XYLB: variants seen among roughly 807,000 people sequenced by gnomAD.
XYLB encodes xylulose kinase.
In XYLB, 62 loss-of-function variants were observed where a neutral mutation model predicts 78.7. The ratio of observed to expected loss-of-function variants is 0.79; its 90% CI spans 0.64 to 0.97. XYLB has a LOEUF of 0.97. Among genes scored for constraint, XYLB ranks in the 50% least tolerant of loss-of-function variants. The pLI, the probability that XYLB is intolerant of heterozygous loss-of-function variation, is 0.00. For missense variants in XYLB, 687 were observed against 676.8 expected (o/e 1.02, Z -0.17); for synonymous variants, 245 against 247.4 (o/e 0.99, Z 0.09).
At chr3:38,371,811 A>G (rs775525105) in intron 9 of XYLB, among the ~76,000 whole-genome samples, 12 of 152,354 alleles carry the variant, frequency 7.9e-5, no homozygotes, top group Non-Finnish European at 1.3e-4. Context: ...AGCTGAAGGA[A>G]CAGCCATGTG....
intron 17 of XYLB, among the ~76,000 whole-genome samples, chr3:38,399,972 C>T (rs1708054675): frequency 6.6e-6 from 1 of 152,190 alleles, no homozygotes; most frequent in Admixed American, 6.5e-5. Context: ...ACCACCATTC[C>T]AGTCCCTCAT....
the XYLB span, among the ~76,000 whole-genome samples, chr3:38,436,014 C>A: frequency 2.6e-5 from 4 of 152,106 alleles, no homozygotes; most frequent in South Asian, 8.3e-4. Flanking sequence ...AACAATGTAC[C>A]TCAAAGGACT....
chr3:38,398,474 C>CA (rs1378878962), intron 17 of XYLB, among the ~76,000 whole-genome samples: 10 of 149,820 alleles, frequency 6.7e-5, no homozygotes, highest in Non-Finnish European at 1.3e-4. Flanking sequence ...TCTCAAAAAA[C>CA]AAAAAAAAAT....
intron 18 of XYLB, among the ~76,000 whole-genome samples, chr3:38,410,674 A>C (rs932554652): frequency 5.9e-5 from 9 of 152,174 alleles, no homozygotes; most frequent in African/African-American, 2.2e-4. Flanking sequence ...CAATGAACTC[A>C]AACAAATTTA....
At chr3:38,358,717 A>G (rs1705813021) in intron 2 of XYLB, among the ~76,000 whole-genome samples, 1 of 152,202 alleles carries the variant, frequency 6.6e-6, no homozygotes, top group Non-Finnish European at 1.5e-5. Flanking sequence ...TGTGAAGGCA[A>G]CATTTTTTGG....
chr3:38,427,159 A>G, the XYLB span, among the ~76,000 whole-genome samples: 7 of 152,214 alleles, frequency 4.6e-5, no homozygotes, highest in African/African-American at 2.4e-5. Context: ...GAAGGCTGTC[A>G]GCCCCCTAAT....
chr3:38,359,220 G>C (rs541216480), intron 2 of XYLB, among the ~76,000 whole-genome samples: 1 of 152,372 alleles, frequency 6.6e-6, no homozygotes, highest in Admixed American at 6.5e-5. Context: ...GGCTGTGGCT[G>C]ATTATCTGCA....
chr3:38,444,309 G>A, the XYLB span, among the ~76,000 whole-genome samples: 27 of 152,298 alleles, frequency 1.8e-4, no homozygotes, highest in African/African-American at 6.3e-4. Flanking sequence ...ATAACTGATA[G>A]CCTGGGGGTT....
intron 8 of XYLB, among the ~76,000 whole-genome samples, chr3:38,368,970 G>C (rs1368112802): frequency 6.6e-6 from 1 of 152,154 alleles, no homozygotes; most frequent in African/African-American, 2.4e-5. Flanking sequence ...ATAAATTGCA[G>C]TTGATGCCAG....
chr3:38,397,943 C>T (rs1446232320), intron 17 of XYLB, among the ~76,000 whole-genome samples: 3 of 150,996 alleles, frequency 2.0e-5, no homozygotes, highest in Non-Finnish European at 4.4e-5. Context: ...CTCAGCCTCC[C>T]GAGTAGGTGG....
intron 15 of XYLB, among the ~76,000 whole-genome samples, chr3:38,391,637 G>A (rs1449230510): frequency 8.1e-6 from 1 of 123,040 alleles, no homozygotes; most frequent in Non-Finnish European, 1.9e-5. Flanking sequence ...AAATTCACAT[G>A]TTAAAAACTT....
intron 15 of XYLB, among the ~76,000 whole-genome samples, chr3:38,391,830 C>T (rs547323519): frequency 3.3e-5 from 5 of 152,262 alleles, no homozygotes; most frequent in East Asian, 1.9e-4. Context: ...ATATACGGGA[C>T]GATCCCTCAC....
In XYLB at chr3:38,383,819, A is replaced by T. The variant is rs895874619; in HGVS notation, c.1291+4477A>T. Among the ~76,000 whole-genome samples the T allele has an allele frequency of 4.6e-5, 7 of 152,068 alleles. No homozygotes were observed. In the East Asian group the frequency reaches 1.4e-3, roughly 29 times the overall value. On this transcript the variant is annotated intron_variant, in intron 15 of 18. Coordinates refer to ENST00000207870, the MANE Select transcript of XYLB (RefSeq NM_005108.4). ...AAAAAATAAAGGAAAATGACTCATA[A>T]TCCCATCCCCTCTCTCCAACCACTG...
At chr3:38,356,405 C>G (rs1705657681) in intron 2 of XYLB, 1 of 152,214 alleles carries the variant, frequency 6.6e-6, no homozygotes, top group Admixed American at 6.6e-5. Context: ...AACATTTTCA[C>G]CACCTGGAAA....
the XYLB span, among the ~76,000 whole-genome samples, chr3:38,432,726 C>T: frequency 6.6e-6 from 1 of 152,238 alleles, no homozygotes; most frequent in African/African-American, 2.4e-5. Flanking sequence ...AAATAATCTC[C>T]TTTGACTCTA....
At chr3:38,383,701 G>A (rs1181290942) in intron 15 of XYLB, among the ~76,000 whole-genome samples, 2 of 152,224 alleles carry the variant, frequency 1.3e-5, no homozygotes, top group African/African-American at 4.8e-5. Context: ...AGGAGGCCGG[G>A]GGGATCGCTG....
At chr3:38,383,436 A>G (rs999235581) in intron 15 of XYLB, among the ~76,000 whole-genome samples, 1 of 152,208 alleles carries the variant, frequency 6.6e-6, no homozygotes, top group African/African-American at 2.4e-5. Context: ...AGTGTGTTTC[A>G]TGTTGTTTAG....
intron 15 of XYLB, among the ~76,000 whole-genome samples, chr3:38,384,050 T>C (rs538607177): frequency 2.6e-4 from 40 of 152,054 alleles, no homozygotes; most frequent in Non-Finnish European, 4.4e-4. Context: ...TTTGTTTGTT[T>C]GTTTTCTTTG....
intron 5 of XYLB, 57 bp downstream of exon 5, chr3:38,365,342 T>A: frequency 6.4e-7 from 1 of 1,571,722 alleles, no homozygotes; most frequent in Non-Finnish European, 8.7e-7. Context: ...CCAAGTCCTG[T>A]GGGTCCTGAA....
Sources: gnomAD v4.1 joint callset for allele counts (sites outside exome capture counted in the v4.1 genomes callset) on GRCh38, gnomAD v4.1.1 for gene constraint, MANE v1.5 for transcripts, NCBI Gene and HGNC (gene_info 2026-07-23, HGNC 2026-07-21) for gene names.